Variants in VPS13C observed in about 807,000 individuals in gnomAD.
The protein encoded by VPS13C is intermembrane lipid transfer protein VPS13C.
In VPS13C, 358 loss-of-function variants were observed where a neutral mutation model predicts 456.8. That is an observed-to-expected ratio of 0.78 (90% CI 0.72 to 0.86). VPS13C has a LOEUF of 0.86. Ranked by LOEUF, VPS13C falls within the 40% of genes least tolerant of loss-of-function variation. The pLI is 0.00. For synonymous variants in VPS13C, 1,578 were observed against 1,486.7 expected (o/e 1.06, Z -1.41); for missense variants, 4,818 against 4,385.4 (o/e 1.10, Z -2.79).
At chr15:61,913,440 A>C in intron 61 of VPS13C, 25 bp from the exon 62 acceptor site, 1 of 1,575,960 alleles carries the variant, frequency 6.3e-7, no homozygotes, top group Non-Finnish European at 8.7e-7. Context: ...ACATATCGTC[A>C]TATAAGAAAT....
At chr15:61,949,724 T>G in intron 41 of VPS13C, 119 bp from the exon 42 acceptor site, 1 of 928,292 alleles carries the variant, frequency 1.1e-6, no homozygotes, top group South Asian at 2.3e-5. Flanking sequence ...AAAATTTTTA[T>G]TTTTTTAAGA....
At chr15:61,994,635 G>T (rs2046324444) in intron 16 of VPS13C, among the ~76,000 whole-genome samples, 1 of 151,284 alleles carries the variant, frequency 6.6e-6, no homozygotes, top group Admixed American at 6.6e-5. Flanking sequence ...TGTCACCCAG[G>T]CTGGAGTGCA....
At chr15:62,012,698 T>C (rs1408400517) in intron 11 of VPS13C, among the ~76,000 whole-genome samples, 1 of 151,896 alleles carries the variant, frequency 6.6e-6, no homozygotes, top group East Asian at 1.9e-4. Context: ...ATCTGAGAAA[T>C]ATTATCTTTA....
chr15:62,041,603 A>AAGG (rs2048244111), intron 2 of VPS13C, among the ~76,000 whole-genome samples: 1 of 152,164 alleles, frequency 6.6e-6, no homozygotes, highest in Non-Finnish European at 1.5e-5. Context: ...GGATCGCCTG[A>AAGG]GTTCAGGAGT....
chr15:62,043,595 G>C (rs1242709011), intron 2 of VPS13C, among the ~76,000 whole-genome samples: 1 of 152,148 alleles, frequency 6.6e-6, no homozygotes, highest in Admixed American at 6.5e-5. Flanking sequence ...AACAGAGTGA[G>C]ACTGTATCTC....
chr15:61,928,204 A>T (rs964680340), intron 51 of VPS13C, among the ~76,000 whole-genome samples: 31 of 152,264 alleles, frequency 2.0e-4, no homozygotes, highest in African/African-American at 4.1e-4. Context: ...ATAATAATAA[A>T]AAAGAATAAT....
Position 61,997,115 on chromosome 15 carries a change from A to AAT in VPS13C, c.1353+3447_1353+3448dup, listed in dbSNP as rs2046414755. On this transcript the variant is annotated intron_variant, in intron 16 of 84. Transcript: ENST00000644861. The stretch of plus-strand genomic sequence containing the variant: ...TTACTTGAAAAACGTCATGGCTAAA[A>AAT]ATATCCCATATTTAGTAGGTTTAAT... Among the ~76,000 whole-genome samples, 3 of 152,168 alleles carry AAT rather than the reference A, an allele frequency of 2.0e-5. No homozygotes were observed. The South Asian group carries it at 6.2e-4, about 32-fold the overall frequency.
chr15:61,863,270 A>C (rs1894322538), intron 82 of VPS13C, among the ~76,000 whole-genome samples, 170 bp downstream of exon 82: 1 of 152,104 alleles, frequency 6.6e-6, no homozygotes, highest in South Asian at 2.1e-4. Flanking sequence ...AGAAAATCTC[A>C]AAGGACCTAT....
intron 5 of VPS13C, among the ~76,000 whole-genome samples, 184 bp from the exon 6 acceptor site, chr15:62,028,604 G>A (rs965406606): frequency 5.3e-5 from 8 of 151,854 alleles, no homozygotes; most frequent in Non-Finnish European, 8.8e-5. Flanking sequence ...CACCATTTTC[G>A]TTCTTTCAAC....
In VPS13C at chr15:61,986,308, C is replaced by CA. The variant is rs550479039; in HGVS notation, c.1579-1310dup. On this transcript the variant is annotated intron_variant, in intron 18 of 84. Transcript: ENST00000644861. Reference sequence around the variant, plus strand: ...TAAAAGATAAAACAGAGCATGTTAGCAAAGAATTTGGAAGCTATAAAAAAA... The same window carrying CA: ...TAAAAGATAAAACAGAGCATGTTAGCAAAAGAATTTGGAAGCTATAAAAAAA... Among the ~76,000 whole-genome samples the CA allele has an allele frequency of 4.6e-5, 7 of 151,760 alleles. No homozygotes were observed. In the South Asian group the frequency reaches 1.5e-3, roughly 32 times the overall value.
At chr15:61,980,052 T>C (rs1596414046) in intron 22 of VPS13C, among the ~76,000 whole-genome samples, 1 of 149,630 alleles carries the variant, frequency 6.7e-6, no homozygotes, top group South Asian at 2.1e-4. Context: ...GGTGTGGGGG[T>C]GCGTGCCTGT....
chr15:61,919,896 A>G (rs1024620208), intron 57 of VPS13C, among the ~76,000 whole-genome samples, 171 bp downstream of exon 57: 1 of 150,780 alleles, frequency 6.6e-6, no homozygotes, highest in Non-Finnish European at 1.5e-5. Flanking sequence ...TTAAATCAAT[A>G]AAGTTTAATT....
chr15:61,910,377 A>T, intron 63 of VPS13C, 72 bp from the exon 64 acceptor site: 1 of 1,180,204 alleles, frequency 8.5e-7, no homozygotes, highest in Non-Finnish European at 1.1e-6. Flanking sequence ...TACCTAATTA[A>T]ATTTTCAATT....
At position 61,977,192 on chromosome 15, in the gene VPS13C, G is replaced by T; in HGVS notation, c.2298C>A (p.Thr766=). 6.5e-7 allele frequency: 1 copy of T among 1,536,460 alleles called. No individual in the cohort carries two copies. Among genetic ancestry groups the T allele is most frequent in the Admixed American group, 2.1e-5 (1 of 48,056 alleles). Residue 766 remains threonine (T), a synonymous_variant, in exon 24 of 85, where the codon ACC becomes ACA. Coordinates refer to ENST00000644861, the MANE Select transcript of VPS13C (RefSeq NM_020821.3). ...VQLLFARAEE[T]WKKCRFQHPS... ...GATGCTGAAATCGACACTTTTTCCA[G>T]GTTTCCTCTTTAAAAAATAATTTAA...
intron 9 of VPS13C, 114 bp downstream of exon 9, chr15:62,020,365 A>G (rs1470753866): frequency 3.8e-6 from 3 of 789,198 alleles, no homozygotes; most frequent in Non-Finnish European, 5.5e-6. Context: ...GCATGATAAT[A>G]TATTTAAAAA....
chr15:62,038,049 C>T (rs1385446767), intron 3 of VPS13C, among the ~76,000 whole-genome samples: 2 of 151,978 alleles, frequency 1.3e-5, no homozygotes, highest in African/African-American at 2.4e-5. Context: ...AGTGATATAG[C>T]GTAATAGCAG....
Position 62,013,930 on chromosome 15 carries a change from T to C in VPS13C, c.744+3A>G. 1 of 1,600,556 alleles carries C rather than the reference T, an allele frequency of 6.2e-7. No homozygotes were observed. Among genetic ancestry groups the C allele is most frequent in the East Asian group, 2.2e-5 (1 of 44,714 alleles). On this transcript the variant is annotated splice_donor_region_variant and intron_variant, in intron 10 of 84. Coordinates refer to ENST00000644861, the MANE Select transcript of VPS13C (RefSeq NM_020821.3). ...AACAAAAATTTTTATTCCAACATAA[T>C]ACCTTGTATATAATTTTGTCTGCTT...
rs1048991856 is a variant in VPS13C, at chr15:62,010,374, C to A, written c.1011+98G>T. The A allele has an allele frequency of 1.1e-5, 14 of 1,290,290 alleles. No homozygotes were observed. In the East Asian group the frequency reaches 1.4e-4, roughly 13 times the overall value. The allele number at this position is 1,290,290 out of a possible 1,614,324, so 79.9% of individuals were successfully genotyped here. ...ACAGTCAAATCTCAACATAACAAAC[C>A]CCAAAAAACCACCAACCACTAGAGA... On this transcript the variant is annotated intron_variant, in intron 13 of 84. Transcript: ENST00000644861.
In VPS13C at chr15:61,864,797, C is replaced by A. The variant is rs925340437; in HGVS notation, c.10864-1269G>T. ...TTCACTTGTGCGAATTAGTTAAAAT[C>A]TTTTAACACTTTTGCCTTAATTTCT... On this transcript the variant is annotated intron_variant, in intron 81 of 84. Transcript: ENST00000644861. The A allele has an allele frequency of 6.1e-6, 6 of 984,728 alleles. No individual in the cohort carries two copies. The African/African-American group carries it at 8.7e-5, about 14-fold the overall frequency. The allele number at this position is 984,728 out of a possible 1,614,324, so 61.0% of individuals were successfully genotyped here. A position where few individuals can be genotyped will look rare whatever the true frequency, so the allele number is the denominator to read the frequency against.
Sources: allele counts gnomAD v4.1 joint callset (sites outside exome capture counted in the v4.1 genomes callset), GRCh38; gene constraint gnomAD v4.1.1; transcripts MANE v1.5; gene names NCBI Gene and HGNC (gene_info 2026-07-23, HGNC 2026-07-21).